The following PLEKHG7 variants were observed in gnomAD, a reference collection of about 807,000 sequenced individuals.
PLEKHG7 encodes the protein pleckstrin homology and RhoGEF domain containing G7.
Under a neutral mutation model 85.2 loss-of-function variants are expected in PLEKHG7, and 77 were observed. The observed-to-expected ratio is 0.90, with a 90% CI of 0.75 to 1.09. The LOEUF is 1.09. PLEKHG7 is among the 50% of genes least tolerant of loss of function. PLEKHG7 has a pLI of 0.00. For synonymous variants in PLEKHG7, 301 were observed against 302.4 expected (o/e 1.00, Z 0.05); for missense variants, 777 against 804.3 (o/e 0.97, Z 0.41).
chr12:92,726,159 C>G (rs114036126), intron 3 of PLEKHG7, among the ~76,000 whole-genome samples: 138 of 152,278 alleles, frequency 9.1e-4, no homozygotes, highest in African/African-American at 3.1e-3. Flanking sequence ...GGCTGACACT[C>G]ATATAGAATG....
At chr12:92,762,350 G>A (rs993161934) in intron 14 of PLEKHG7, among the ~76,000 whole-genome samples, 2 of 152,118 alleles carry the variant, frequency 1.3e-5, no homozygotes, top group Admixed American at 1.3e-4. Flanking sequence ...GAGAGAGGGA[G>A]CCCTGATCTC....
At chr12:92,707,854 T>A in intron 3 of PLEKHG7, 182 bp downstream of exon 3, 1 of 982,942 alleles carries the variant, frequency 1.0e-6, no homozygotes, top group Non-Finnish European at 1.5e-6. Context: ...AGTCTCCCTT[T>A]AAGAGCACAG....
intron 5 of PLEKHG7, among the ~76,000 whole-genome samples, chr12:92,734,092 C>T (rs999614380): frequency 8.5e-5 from 13 of 152,352 alleles, no homozygotes; most frequent in African/African-American, 3.1e-4. Flanking sequence ...AGAAGCTTCA[C>T]TTTCACAAGA....
At position 92,734,986 on chromosome 12, in the gene PLEKHG7, A is replaced by C. The variant is rs149793592; in HGVS notation, c.700-1496A>C. 6.2e-3 allele frequency among the ~76,000 whole-genome samples: 944 copies of C among 152,278 alleles called. 14 individuals carry two copies. Among genetic ancestry groups the C allele is most frequent in the African/African-American group, 0.021 (876 of 41,544 alleles). On this transcript the variant is annotated intron_variant, in intron 5 of 16. Transcript: ENST00000344636. ...ACTAAATGGGTGTGTCGTTTTCAAG[A>C]GTTAATGTGACCACTGGGAGAATGG...
chr12:92,764,832 T>C (rs1187723455), intron 15 of PLEKHG7, among the ~76,000 whole-genome samples: 1 of 152,150 alleles, frequency 6.6e-6, no homozygotes, highest in African/African-American at 2.4e-5. Flanking sequence ...TGGGGAGCTC[T>C]TAGAATAATG....
intron 1 of PLEKHG7, among the ~76,000 whole-genome samples, chr12:92,703,600 C>T (rs1189919852): frequency 6.6e-6 from 1 of 152,166 alleles, no homozygotes; most frequent in Non-Finnish European, 1.5e-5. Context: ...AGTGGCTTGT[C>T]CTAGGTCACA....
chr12:92,732,047 T>C (rs1872006661), intron 4 of PLEKHG7, among the ~76,000 whole-genome samples, 186 bp from the exon 5 acceptor site: 1 of 152,220 alleles, frequency 6.6e-6, no homozygotes, highest in South Asian at 2.1e-4. Context: ...GTTGCAACAT[T>C]GTTTCATTCA....
chr12:92,726,949 G>A (rs1871833433), intron 3 of PLEKHG7, among the ~76,000 whole-genome samples: 1 of 152,192 alleles, frequency 6.6e-6, no homozygotes, highest in Non-Finnish European at 1.5e-5. Flanking sequence ...GAGGCAGTAT[G>A]CATGATTTGC....
rs150725213 is a variant in PLEKHG7 at position 92,758,418 on chromosome 12, A to C, written c.1636+2027A>C. ...TGAAAGTTTTGTTGATAATGCCATG[A>C]GTGGTAGAGGGAGTGGGTCAAGGAG... is the stretch of plus-strand genomic sequence containing the variant. On this transcript the variant is annotated intron_variant, in intron 13 of 16. Coordinates refer to ENST00000344636, the MANE Select transcript of PLEKHG7 (RefSeq NM_001377329.1). 5.8e-3 allele frequency among the ~76,000 whole-genome samples: 884 copies of C among 152,310 alleles called. 6 individuals are homozygous for C. The highest frequency in any genetic ancestry group is 0.02 in the African/African-American group (847 of 41,572).
chr12:92,732,877 G>A (rs1354767119), intron 5 of PLEKHG7, among the ~76,000 whole-genome samples: 1 of 152,176 alleles, frequency 6.6e-6, no homozygotes, highest in Non-Finnish European at 1.5e-5. Context: ...GAATGTTCAT[G>A]ATGACAACCT....
intron 3 of PLEKHG7, among the ~76,000 whole-genome samples, chr12:92,722,890 G>T (rs915730295): frequency 2.0e-5 from 3 of 152,284 alleles, no homozygotes. Flanking sequence ...TAGATTCGGT[G>T]ATATATAAGA....
At chr12:92,765,484 C>T (rs1873167367) in intron 15 of PLEKHG7, among the ~76,000 whole-genome samples, 1 of 152,018 alleles carries the variant, frequency 6.6e-6, no homozygotes, top group African/African-American at 2.4e-5. Context: ...ACAAAATTAG[C>T]CAGGCATGGT....
intron 15 of PLEKHG7, 97 bp from the exon 16 acceptor site, chr12:92,768,886 C>A: frequency 2.4e-6 from 2 of 823,838 alleles, no homozygotes; most frequent in Non-Finnish European, 3.7e-6. Flanking sequence ...CAGAAACAAG[C>A]CAAATAGAAA....
intron 11 of PLEKHG7, among the ~76,000 whole-genome samples, chr12:92,754,823 C>A (rs2136621835): frequency 6.6e-6 from 1 of 152,050 alleles, no homozygotes; most frequent in Non-Finnish European, 1.5e-5. Flanking sequence ...TGATTTATGC[C>A]CAAAAACCAA....
chr12:92,741,556 T>G lies in PLEKHG7; in HGVS notation c.1101T>G (p.Ile367Met). Reference sequence around the variant, plus strand: ...AGGACTATGTAGACGCTTCTGAGATTTCCTCATCACTGGATTTTATTTCCG... The same window carrying G: ...AGGACTATGTAGACGCTTCTGAGATGTCCTCATCACTGGATTTTATTTCCG... ...IIKDYVDASE[I>M]SSSLDFISVL... The change falls in exon 9 of 17, where the codon ATT becomes ATG. Residue 367 changes from isoleucine (I) to methionine (M), a missense_variant. Ile to Met is a conservative substitution (Grantham distance 10). Coordinates refer to ENST00000344636, the MANE Select transcript of PLEKHG7 (RefSeq NM_001377329.1). 6.2e-7 allele frequency: 1 copy of G among 1,613,346 alleles called. No individual in the cohort carries two copies. Among genetic ancestry groups the G allele is most frequent in the Non-Finnish European group, 8.5e-7 (1 of 1,179,666 alleles).
At chr12:92,709,144 T>C (rs1470671029) in intron 3 of PLEKHG7, among the ~76,000 whole-genome samples, 1 of 152,230 alleles carries the variant, frequency 6.6e-6, no homozygotes, top group Non-Finnish European at 1.5e-5. Flanking sequence ...GGGATTTAGA[T>C]GCAAGTAGAC....
chr12:92,741,026 C>A (rs1789450068), intron 8 of PLEKHG7, 78 bp downstream of exon 8: 4 of 1,012,760 alleles, frequency 3.9e-6, no homozygotes, highest in African/African-American at 1.6e-5. Flanking sequence ...GTTCTTATGG[C>A]TTGTATGCCA....
intron 3 of PLEKHG7, among the ~76,000 whole-genome samples, chr12:92,712,098 C>T (rs149401835): frequency 1.1e-3 from 172 of 152,252 alleles, no homozygotes; most frequent in African/African-American, 4.0e-3. Flanking sequence ...AATTTATGTC[C>T]CATCCTCTGG....
intron 16 of PLEKHG7, 29 bp from the exon 17 acceptor site, chr12:92,770,058 AT>A (rs1414550144): frequency 7.2e-7 from 1 of 1,380,742 alleles, no homozygotes; most frequent in Non-Finnish European, 1.0e-6. Flanking sequence ...TCTAATCTCT[AT>A]TTATGTATTT....
Sources: gnomAD v4.1 joint callset for allele counts (sites outside exome capture counted in the v4.1 genomes callset) on GRCh38, gnomAD v4.1.1 for gene constraint, MANE v1.5 for transcripts, NCBI Gene and HGNC (gene_info 2026-07-23, HGNC 2026-07-21) for gene names.